Variants in MRPL37 observed in about 807,000 individuals in gnomAD.
MRPL37 encodes the protein large ribosomal subunit protein mL37.
MRPL37 carries 34 observed loss-of-function variants against 44.1 expected under a neutral mutation model. That is an observed-to-expected ratio of 0.77 (90% CI 0.59 to 1.03). MRPL37 has a LOEUF of 1.03. MRPL37 is among the 50% of genes least tolerant of loss of function. The probability of loss-of-function intolerance (pLI) is 0.00; values close to 1 mark genes in which losing one functional copy is unlikely to be tolerated. For missense variants in MRPL37, 532 were observed against 543.7 expected (o/e 0.98, Z 0.21); for synonymous variants, 212 against 219.5 (o/e 0.97, Z 0.30).
At chr1:54,224,304 A>G (rs1644258589), downstream of MRPL37, among the ~76,000 whole-genome samples, 1 of 152,242 alleles carries the variant, frequency 6.6e-6, no homozygotes, top group African/African-American at 2.4e-5. Context: ...GGGAAGGACC[A>G]GATGGAATCT....
At chr1:54,201,329 C>T (rs1644081083) in intron 1 of MRPL37, among the ~76,000 whole-genome samples, 1 of 152,120 alleles carries the variant, frequency 6.6e-6, no homozygotes, top group Non-Finnish European at 1.5e-5. Flanking sequence ...AGAATAAATC[C>T]TAGGTTTGAG....
chr1:54,217,814 T>C (rs890897425), intron 6 of MRPL37, among the ~76,000 whole-genome samples: 2 of 152,144 alleles, frequency 1.3e-5, no homozygotes, highest in Non-Finnish European at 1.5e-5. Context: ...GCACAGGATA[T>C]AGGCGCAGCA....
chr1:54,204,825 T>G (rs1644109259), intron 1 of MRPL37, among the ~76,000 whole-genome samples, 193 bp from the exon 2 acceptor site: 1 of 152,200 alleles, frequency 6.6e-6, no homozygotes, highest in African/African-American at 2.4e-5. Context: ...TGGTCATTCC[T>G]GAAGGTGAGT....
At chr1:54,221,517 G>A (rs373705953), downstream of MRPL37, among the ~76,000 whole-genome samples, 6 of 152,292 alleles carry the variant, frequency 3.9e-5, no homozygotes, top group East Asian at 1.9e-4. Context: ...GCATCCAGGG[G>A]GGCGTGCTGC....
chr1:54,220,008 T>C (rs1327124566), downstream of MRPL37, among the ~76,000 whole-genome samples: 1 of 152,204 alleles, frequency 6.6e-6, no homozygotes, highest in Non-Finnish European at 1.5e-5. Flanking sequence ...TAGAGTAGTT[T>C]TGCCAGCAGA....
Position 54,200,288 on chromosome 1 carries a change from C to T in MRPL37, c.45C>T (p.Ser15=). Residue 15 remains serine, a synonymous_variant, in exon 1 of 7, where the codon TCC becomes TCT. Coordinates refer to ENST00000360840, the MANE Select transcript of MRPL37 (RefSeq NM_016491.4). ...SGPARRALAG[S]GQLGLGGFGA... ...CCGCAAGGCGGGCGCTAGCTGGCTC[C>T]GGGCAGCTCGGCCTTGGGGGCTTCG... 3.1e-6 allele frequency: 5 copies of T among 1,608,306 alleles called. No individual in the cohort carries two copies. The highest frequency in any genetic ancestry group is 4.2e-6 in the Non-Finnish European group (5 of 1,177,778).
intron 1 of MRPL37, among the ~76,000 whole-genome samples, chr1:54,201,424 G>A (rs1174481959): frequency 6.6e-6 from 1 of 152,196 alleles, no homozygotes; most frequent in Non-Finnish European, 1.5e-5. Flanking sequence ...CACTTCCAGT[G>A]TCCTTACAAG....
rs34214244 is a variant in MRPL37 at position 54,217,655 on chromosome 1, G to A, written c.1195-517G>A. 1.1e-3 allele frequency among the ~76,000 whole-genome samples: 164 copies of A among 152,174 alleles called. 3 individuals are homozygous for A. The East Asian group carries it at 0.027, about 25-fold the overall frequency. ...TCTGCTCACCCTTCCATGTATAAAT[G>A]TCGGCAAGTCAGTCATTTCTTCCTG... On this transcript the variant is annotated intron_variant, in intron 6 of 6. Transcript: ENST00000360840.
intron 5 of MRPL37, among the ~76,000 whole-genome samples, chr1:54,214,919 C>G (rs1198011243): frequency 1.3e-5 from 2 of 152,150 alleles, no homozygotes; most frequent in Admixed American, 6.5e-5. Flanking sequence ...CAGCTAAGAA[C>G]AGGTATTTCT....
At chr1:54,218,138 G>A (rs766089905) in intron 6 of MRPL37, 34 bp from the exon 7 acceptor site, 2 of 1,569,984 alleles carry the variant, frequency 1.3e-6, no homozygotes, top group Middle Eastern at 1.7e-4. Flanking sequence ...GTTAAACCTA[G>A]TAGCAGGATC....
downstream of MRPL37, chr1:54,220,543 T>A: frequency 2.4e-6 from 1 of 419,824 alleles, no homozygotes; most frequent in South Asian, 1.8e-5. Flanking sequence ...GAAACAGGCT[T>A]AGAGACCACA....
At chr1:54,211,645 A>G (rs1644166076) in intron 4 of MRPL37, among the ~76,000 whole-genome samples, 1 of 152,028 alleles carries the variant, frequency 6.6e-6, no homozygotes, top group Non-Finnish European at 1.5e-5. Flanking sequence ...GGCATGTGCT[A>G]CCACACCTGG....
At chr1:54,219,090 G>A (rs1367009077), downstream of MRPL37, among the ~76,000 whole-genome samples, 2 of 152,172 alleles carry the variant, frequency 1.3e-5, no homozygotes, top group Non-Finnish European at 2.9e-5. Context: ...TGGGGGTGGC[G>A]GGCCCAAGCT....
intron 6 of MRPL37, among the ~76,000 whole-genome samples, chr1:54,216,827 C>T (rs184560138): frequency 6.0e-4 from 91 of 152,336 alleles, no homozygotes; most frequent in Admixed American, 2.2e-3. Flanking sequence ...CATCAGAGCA[C>T]GATCACATTG....
chr1:54,216,521 C>T (rs948158537), intron 6 of MRPL37, among the ~76,000 whole-genome samples, 177 bp downstream of exon 6: 1 of 152,170 alleles, frequency 6.6e-6, no homozygotes, highest in Non-Finnish European at 1.5e-5. Flanking sequence ...AGGCCCTGCC[C>T]AGTGCTCCAC....
intron 3 of MRPL37, among the ~76,000 whole-genome samples, chr1:54,208,632 T>C (rs1644142036): frequency 6.6e-6 from 1 of 151,620 alleles, no homozygotes; most frequent in African/African-American, 2.4e-5. Context: ...TTCCCTGCTG[T>C]ATCCTACTCT....
chr1:54,208,359 G>A (rs1316546338), intron 3 of MRPL37, among the ~76,000 whole-genome samples: 1 of 152,008 alleles, frequency 6.6e-6, no homozygotes, highest in African/African-American at 2.4e-5. Flanking sequence ...TGGCTATCAC[G>A]GTGAAACCCG....
Position 54,205,398 on chromosome 1 carries a change from A to C in MRPL37, c.634A>C (p.Thr212Pro). 1 of 1,613,686 alleles carries C rather than the reference A, an allele frequency of 6.2e-7. No individual in the cohort carries two copies. The highest frequency in any genetic ancestry group is 8.5e-7 in the Non-Finnish European group (1 of 1,179,764). Residue 212 changes from threonine (T) to proline (P), a missense_variant, in exon 3 of 7, where the codon ACC (threonine) becomes CCC (proline). Thr to Pro is a conservative substitution (Grantham distance 38, BLOSUM62 -1). Coordinates refer to ENST00000360840, the MANE Select transcript of MRPL37 (RefSeq NM_016491.4). Reference protein sequence around the residue: ...ICVQNSTFSATWNRESLLLQV... With the variant: ...ICVQNSTFSAPWNRESLLLQV... ...TGTCCAAAACTCCACGTTTTCTGCT[A>C]CCTGGAACCGAGGTTGGTCATCTTG...
chr1:54,202,359 T>G (rs1644091090), intron 1 of MRPL37, among the ~76,000 whole-genome samples: 1 of 152,332 alleles, frequency 6.6e-6, no homozygotes, highest in South Asian at 2.1e-4. Flanking sequence ...CTTATGGATC[T>G]TAAAGTGAAA....
Sources: gnomAD v4.1 joint callset for allele counts (sites outside exome capture counted in the v4.1 genomes callset) on GRCh38, gnomAD v4.1.1 for gene constraint, MANE v1.5 for transcripts, NCBI Gene and HGNC (gene_info 2026-07-23, HGNC 2026-07-21) for gene names.